The following NLRC4 variants were observed in gnomAD, a reference collection of about 807,000 sequenced individuals.
NLRC4 encodes the protein NLR family CARD domain containing 4, also known as NLR family CARD domain-containing protein 4.
A neutral mutation model predicts 79.9 loss-of-function variants in NLRC4; 63 were observed. The ratio of observed to expected loss-of-function variants is 0.79; its 90% CI spans 0.64 to 0.97. The LOEUF (loss-of-function observed/expected upper bound fraction) is 0.97. Ranked by LOEUF, NLRC4 falls within the 50% of genes least tolerant of loss-of-function variation. The probability of loss-of-function intolerance (pLI) is 0.00; values close to 1 mark genes in which losing one functional copy is unlikely to be tolerated. For synonymous variants in NLRC4, 461 were observed against 456.5 expected (o/e 1.01, Z -0.12); for missense variants, 1,074 against 1,215.2 (o/e 0.88, Z 1.73).
rs202095832 is a variant in NLRC4, at chr2:32,238,284, A to G, written c.2369T>C (p.Leu790Pro). 58 of 1,610,778 alleles carry G rather than the reference A, an allele frequency of 3.6e-5. No individual in the cohort carries two copies. The African/African-American group carries it at 7.6e-4, about 21-fold the overall frequency. ...AIKLAEGLKN[L>P]KKMCLFHLTH... ...CAAATGAAATAAACACATCTTCTTC[A>G]GGTTTTTCAGGCCTTCAGCTGAAAA... The change falls in exon 6 of 9, where the codon CTG (leucine) becomes CCG (proline). Residue 790 changes from leucine (L) to proline (P), a missense_variant. By Grantham distance (98) the Leu-to-Pro change is moderately conservative. Transcript: ENST00000402280.
Position 32,250,205 on chromosome 2 carries a change from G to A in NLRC4, c.1659C>T (p.Ser553=). ...ATAAATGGATGCCACACTCTACAAA[G>A]GAATTGATGTTTATGGCTTTCAGAA... ...QEILKAININ[S]FVECGIHLYQ... The change falls in exon 4 of 9, where the codon TCC becomes TCT. Residue 553 remains serine (S), a synonymous_variant. Transcript: ENST00000402280. The surrounding 1 kb of genome is among the most constrained non-coding windows in gnomAD (Gnocchi z 4.9). The A allele has an allele frequency of 6.2e-7, 1 of 1,614,210 alleles. No individual in the cohort carries two copies. The highest frequency in any genetic ancestry group is 8.5e-7 in the Non-Finnish European group (1 of 1,180,042).
intron 1 of NLRC4, among the ~76,000 whole-genome samples, chr2:32,257,221 G>A (rs556095456): frequency 2.0e-4 from 30 of 152,332 alleles, no homozygotes; most frequent in African/African-American, 6.5e-4. Flanking sequence ...CAGAGGGTAC[G>A]TTCTCTCCAG....
chr2:32,261,502 G>C (rs1687349817), intron 1 of NLRC4, among the ~76,000 whole-genome samples: 2 of 148,248 alleles, frequency 1.3e-5, no homozygotes, highest in South Asian at 2.2e-4. Context: ...AGTAGAGATG[G>C]GGTTTCACCA....
chr2:32,251,677 G>A lies in NLRC4; in HGVS notation c.263-76C>T, dbSNP rs191752376. The A allele has an allele frequency of 4.5e-4, 430 of 955,144 alleles. 2 individuals are homozygous for A. In the Admixed American group the frequency reaches 9.2e-3, roughly 21 times the overall value. The allele number at this position is 955,144 out of a possible 1,614,324, so 59.2% of individuals were successfully genotyped here. On this transcript the variant is annotated intron_variant, in intron 3 of 8. Transcript: ENST00000402280. The stretch of plus-strand genomic sequence containing the variant: ...AAACCTAGAGTTCAGGAGGATGAAC[G>A]GGGGGGTGAGGCTGAGAATCTGCCA...
intron 1 of NLRC4, among the ~76,000 whole-genome samples, chr2:32,264,433 C>CA (rs1278984114): frequency 0.15 from 9,147 of 60,726 alleles, 495 homozygotes; most frequent in Middle Eastern, 0.31. Context: ...GACTCTGTCT[C>CA]AAAAAAAAAA....
chr2:32,242,543 T>C (rs1409194279), intron 4 of NLRC4, among the ~76,000 whole-genome samples: 1 of 152,238 alleles, frequency 6.6e-6, no homozygotes, highest in Non-Finnish European at 1.5e-5. Context: ...AAGACATCTG[T>C]AGGCACAGAT....
chr2:32,237,895 C>T (rs1474874764), intron 6 of NLRC4, among the ~76,000 whole-genome samples: 1 of 152,164 alleles, frequency 6.6e-6, no homozygotes, highest in East Asian at 1.9e-4. Flanking sequence ...TTTTCACTTT[C>T]TCTAAAAATT....
At position 32,257,781 on chromosome 2, in the gene NLRC4, C is replaced by T. The variant is rs185040792; in HGVS notation, c.-118-888G>A. 3.7e-3 allele frequency among the ~76,000 whole-genome samples: 563 copies of T among 152,058 alleles called. 3 individuals are homozygous for T. The highest frequency in any genetic ancestry group is 5.7e-3 in the Non-Finnish European group (389 of 67,974). On this transcript the variant is annotated intron_variant, in intron 1 of 8. Coordinates refer to ENST00000402280, the MANE Select transcript of NLRC4 (RefSeq NM_001199138.2). ...CGCAGGGCTTGCGATGGGGGTGTGG[C>T]TCACTTCTTCAGTGCCCGCTGCTCA...
At chr2:32,238,106 A>G in intron 6 of NLRC4, 26 bp downstream of exon 6, 1 of 1,585,912 alleles carries the variant, frequency 6.3e-7, no homozygotes, top group Non-Finnish European at 8.6e-7. Context: ...TACTGTCCTC[A>G]TTCAGTTAAT....
In NLRC4 at chr2:32,225,105, C is replaced by T. The variant is rs145346099; in HGVS notation, c.2783-340G>A. Among the ~76,000 whole-genome samples the T allele has an allele frequency of 1.1e-3, 171 of 152,118 alleles. 4 individuals carry two copies. The highest frequency in any genetic ancestry group is 0.011 in the Admixed American group (171 of 15,270). On this transcript the variant is annotated intron_variant, in intron 8 of 8. Coordinates refer to ENST00000402280, the MANE Select transcript of NLRC4 (RefSeq NM_001199138.2). ...TAATTAAATATTCAGTACTTGTTTT[C>T]AAAACTGGAGTCAATCTTTGGCAAT...
At chr2:32,232,146 C>T (rs559198432) in intron 8 of NLRC4, among the ~76,000 whole-genome samples, 1 of 152,266 alleles carries the variant, frequency 6.6e-6, no homozygotes, top group South Asian at 2.1e-4. Context: ...TATCTAGGTA[C>T]ATACTATCAA....
chr2:32,249,512 T>C lies in NLRC4; in HGVS notation c.2257+95A>G. ...GGCCACCTTGCAGGCTGTAACCCTT[T>C]AGAAGAAATAAAGTCTCCTCTCTCC... On this transcript the variant is annotated intron_variant, in intron 4 of 8. Coordinates refer to ENST00000402280, the MANE Select transcript of NLRC4 (RefSeq NM_001199138.2). 8.5e-6 allele frequency: 9 copies of C among 1,053,896 alleles called. No homozygotes were observed. The South Asian group carries it at 1.4e-4, about 17-fold the overall frequency. The allele number at this position is 1,053,896 out of a possible 1,614,324, so 65.3% of individuals were successfully genotyped here. A position where few individuals can be genotyped will look rare whatever the true frequency, so the allele number is the denominator to read the frequency against.
intron 4 of NLRC4, 80 bp downstream of exon 4, chr2:32,249,527 C>A: frequency 9.4e-6 from 10 of 1,068,530 alleles, no homozygotes; most frequent in South Asian, 1.7e-5. Context: ...GAAATAAAGT[C>A]TCCTCTCTCC....
intron 5 of NLRC4, among the ~76,000 whole-genome samples, chr2:32,240,821 C>G (rs1686782406): frequency 6.6e-6 from 1 of 152,108 alleles, no homozygotes; most frequent in Non-Finnish European, 1.5e-5. Context: ...GCTCTCTTCC[C>G]AAAAGGGTTA....
intron 8 of NLRC4, among the ~76,000 whole-genome samples, chr2:32,225,897 T>C (rs1314998225): frequency 6.6e-6 from 1 of 152,226 alleles, no homozygotes; most frequent in African/African-American, 2.4e-5. Flanking sequence ...TAAACTTGTG[T>C]TTCTTGGGAG....
intron 8 of NLRC4, among the ~76,000 whole-genome samples, chr2:32,226,590 T>G (rs773488525): frequency 6.6e-6 from 1 of 152,158 alleles, no homozygotes; most frequent in Non-Finnish European, 1.5e-5. Flanking sequence ...ATTTGAAAAG[T>G]GAGACAGAGG....
intron 5 of NLRC4, among the ~76,000 whole-genome samples, chr2:32,239,320 A>G (rs1295835449): frequency 6.6e-6 from 1 of 152,104 alleles, no homozygotes; most frequent in East Asian, 1.9e-4. Flanking sequence ...ATATGATTCT[A>G]ATAATATCAG....
intron 4 of NLRC4, among the ~76,000 whole-genome samples, 184 bp from the exon 5 acceptor site, chr2:32,241,309 G>C (rs1361341508): frequency 6.7e-6 from 1 of 149,892 alleles, no homozygotes; most frequent in African/African-American, 2.5e-5. Context: ...TTCACTGTAA[G>C]CATGTTCTGC....
chr2:32,248,544 G>A (rs1027460090), intron 4 of NLRC4, among the ~76,000 whole-genome samples: 6 of 152,214 alleles, frequency 3.9e-5, no homozygotes, highest in Admixed American at 3.9e-4. Context: ...CCTAGGCTGG[G>A]CGTGGTGGCT....
Sources: gnomAD v4.1 joint callset for allele counts (sites outside exome capture counted in the v4.1 genomes callset) on GRCh38, gnomAD v4.1.1 for gene constraint, Gnocchi (gnomAD v3.1) non-coding constraint, MANE v1.5 for transcripts, NCBI Gene and HGNC (gene_info 2026-07-23, HGNC 2026-07-21) for gene names.